Variants in KCNH1 observed in about 807,000 individuals in gnomAD.
KCNH1 encodes potassium voltage-gated channel subfamily H member 1.
A neutral mutation model predicts 69.2 loss-of-function variants in KCNH1; 27 were observed. The ratio of observed to expected loss-of-function variants is 0.39; its 90% CI spans 0.29 to 0.54. The LOEUF (loss-of-function observed/expected upper bound fraction) is 0.54, where lower values mean the gene tolerates loss of function less well. Ranked by LOEUF, KCNH1 falls within the 20% of genes least tolerant of loss-of-function variation. The probability of loss-of-function intolerance (pLI) is 0.68; values close to 1 mark genes in which losing one functional copy is unlikely to be tolerated. For missense variants in KCNH1, 798 were observed against 1,261.6 expected (o/e 0.63, Z 5.57); for synonymous variants, 456 against 487.7 (o/e 0.93, Z 0.86).
At position 210,683,648 on chromosome 1, in the gene KCNH1, G is replaced by T. The variant is rs773735492; in HGVS notation, c.2603C>A (p.Ala868Glu). Residue 868 changes from alanine to glutamate, a missense_variant, in exon 11 of 11, where the codon GCG (alanine) becomes GAG (glutamate). Around this residue, in one of 4 missense-constraint regions of KCNH1, gnomAD observed 331 missense variants for 363.2 expected, o/e 0.91. Coordinates refer to ENST00000271751, the MANE Select transcript of KCNH1 (RefSeq NM_172362.3). The surrounding 1 kb of genome is among the most constrained non-coding windows in gnomAD (Gnocchi z 5.7). ...CTTCTTCAGTGTGGCCTCGCCTGAC[G>T]CTTTTGTCCTCTCGGGAAGTGTCTC... Reference protein sequence around the residue: ...SMETLPERTKASGEATLKKTD... With the variant: ...SMETLPERTKESGEATLKKTD... 2 of 1,614,062 alleles carry T rather than the reference G, an allele frequency of 1.2e-6. No individual in the cohort carries two copies. Among genetic ancestry groups the T allele is most frequent in the Non-Finnish European group, 1.7e-6 (2 of 1,180,036 alleles).
chr1:211,091,055 A>C (rs927317668), intron 3 of KCNH1, among the ~76,000 whole-genome samples: 19 of 152,226 alleles, frequency 1.2e-4, no homozygotes, highest in African/African-American at 4.6e-4. Flanking sequence ...AGGGGACAAG[A>C]TAGGTCCTGC....
At chr1:210,716,208 T>C (rs1574203883) in intron 10 of KCNH1, among the ~76,000 whole-genome samples, 1 of 151,230 alleles carries the variant, frequency 6.6e-6, no homozygotes, top group African/African-American at 2.4e-5. Context: ...CTGAGGCGGG[T>C]GGATCACGAG....
At chr1:210,725,256 T>G (rs1448237117) in intron 10 of KCNH1, among the ~76,000 whole-genome samples, 1 of 152,120 alleles carries the variant, frequency 6.6e-6, no homozygotes, top group African/African-American at 2.4e-5. Context: ...CCTATGAAAG[T>G]ATTTCTGAAC....
chr1:210,791,725 C>T (rs1483878883), intron 9 of KCNH1, among the ~76,000 whole-genome samples: 1 of 152,160 alleles, frequency 6.6e-6, no homozygotes, highest in Non-Finnish European at 1.5e-5. Flanking sequence ...ACAGAACATT[C>T]CTCCAAGACA....
At chr1:210,693,936 T>C (rs930909846) in intron 10 of KCNH1, among the ~76,000 whole-genome samples, 1 of 152,190 alleles carries the variant, frequency 6.6e-6, no homozygotes, top group African/African-American at 2.4e-5. Flanking sequence ...ACCACAAGCC[T>C]TCCCTTAGCC....
chr1:210,775,177 T>C (rs1163542762), intron 10 of KCNH1, among the ~76,000 whole-genome samples, 171 bp downstream of exon 10: 2 of 152,106 alleles, frequency 1.3e-5, no homozygotes, highest in Non-Finnish European at 2.9e-5. Context: ...CAACATCCCC[T>C]CTCTCCTCCA....
intron 7 of KCNH1, among the ~76,000 whole-genome samples, chr1:210,806,917 G>C (rs1684593551): frequency 7.1e-6 from 1 of 141,194 alleles, no homozygotes; most frequent in Admixed American, 7.2e-5. Context: ...TGAGGCAGGA[G>C]AATCGCTTGA....
intron 6 of KCNH1, among the ~76,000 whole-genome samples, chr1:210,926,714 A>C (rs909286553): frequency 1.3e-5 from 2 of 152,206 alleles, no homozygotes; most frequent in Non-Finnish European, 2.9e-5. Flanking sequence ...AAACCGAGAC[A>C]AAACCTATGA....
chr1:211,068,957 T>A (rs971945904), intron 5 of KCNH1, among the ~76,000 whole-genome samples: 1 of 152,212 alleles, frequency 6.6e-6, no homozygotes, highest in Admixed American at 6.5e-5. Flanking sequence ...TTGTGAATTT[T>A]ACCTCCAGGA....
chr1:210,881,593 C>T (rs1686495343), intron 7 of KCNH1, among the ~76,000 whole-genome samples: 1 of 152,204 alleles, frequency 6.6e-6, no homozygotes, highest in South Asian at 2.1e-4. Context: ...TAGATATTTA[C>T]AGTAGCTTTA....
At chr1:210,934,456 C>T (rs968954337) in intron 6 of KCNH1, among the ~76,000 whole-genome samples, 1 of 152,104 alleles carries the variant, frequency 6.6e-6, no homozygotes, top group African/African-American at 2.4e-5. Flanking sequence ...AGTTCCAGAC[C>T]AGCCTGGCCA....
intron 7 of KCNH1, among the ~76,000 whole-genome samples, chr1:210,850,584 T>A (rs1685679557): frequency 6.6e-6 from 1 of 152,156 alleles, no homozygotes; most frequent in African/African-American, 2.4e-5. Context: ...AACTGCTGAA[T>A]CCAAAGGGGG....
chr1:211,009,366 A>G (rs1689351560), intron 6 of KCNH1, among the ~76,000 whole-genome samples: 1 of 152,188 alleles, frequency 6.6e-6, no homozygotes, highest in Non-Finnish European at 1.5e-5. Flanking sequence ...TCTTTCTAGG[A>G]GTCTTTCAGT....
intron 10 of KCNH1, among the ~76,000 whole-genome samples, chr1:210,762,369 A>G (rs566366237): frequency 1.3e-5 from 2 of 152,326 alleles, no homozygotes; most frequent in Non-Finnish European, 2.9e-5. Context: ...GAAAAGAAAT[A>G]GCAAAAATCA....
intron 6 of KCNH1, among the ~76,000 whole-genome samples, chr1:210,999,075 T>C (rs1022198817): frequency 6.6e-6 from 1 of 152,114 alleles, no homozygotes; most frequent in African/African-American, 2.4e-5. Context: ...AGATCTAAAA[T>C]TGACACCCTG....
intron 5 of KCNH1, among the ~76,000 whole-genome samples, chr1:211,021,905 C>A (rs1354869705): frequency 6.6e-6 from 1 of 152,094 alleles, no homozygotes. Context: ...TTACCCAAAG[C>A]AATCTACAGA....
chr1:210,920,592 A>C (rs1382265069), intron 6 of KCNH1, among the ~76,000 whole-genome samples: 1 of 152,190 alleles, frequency 6.6e-6, no homozygotes, highest in East Asian at 1.9e-4. Context: ...TTATGAAATT[A>C]CAGGCAATTT....
At chr1:210,715,532 C>T (rs924166060) in intron 10 of KCNH1, among the ~76,000 whole-genome samples, 10 of 142,206 alleles carry the variant, frequency 7.0e-5, no homozygotes, top group African/African-American at 2.3e-4. Context: ...AAAAAAAAAA[C>T]GTAATGGGAT....
rs141182420 is a variant in KCNH1, at chr1:210,926,619, A to G, written c.1033-6550T>C. 9.9e-3 allele frequency among the ~76,000 whole-genome samples: 1,514 copies of G among 152,258 alleles called. 13 individuals are homozygous for G. The highest frequency in any genetic ancestry group is 0.013 in the Non-Finnish European group (910 of 68,012). On this transcript the variant is annotated intron_variant, in intron 6 of 10. Transcript: ENST00000271751. ...ATATAGTAAACCCAAATGAGAAGGA[A>G]CCAGAAAAACAATTCTGGTAATATG...
Sources: allele counts gnomAD v4.1 joint callset (sites outside exome capture counted in the v4.1 genomes callset), GRCh38; gene constraint gnomAD v4.1.1; regional missense constraint gnomAD v4.1.1; non-coding constraint Gnocchi (gnomAD v3.1); transcripts MANE v1.5; gene names NCBI Gene and HGNC (gene_info 2026-07-23, HGNC 2026-07-21).